The following NFS1 variants were observed in gnomAD, a reference collection of about 807,000 sequenced individuals.
The protein encoded by NFS1 is NFS1 cysteine desulfurase, also known as cysteine desulfurase.
Under a neutral mutation model 57.3 loss-of-function variants are expected in NFS1, and 26 were observed. That is an observed-to-expected ratio of 0.45 (90% CI 0.33 to 0.63). The LOEUF is 0.63. Among genes scored for constraint, NFS1 ranks in the 20% least tolerant of loss-of-function variants. NFS1 has a pLI of 0.02. For synonymous variants in NFS1, 209 were observed against 216.3 expected (o/e 0.97, Z 0.30); for missense variants, 505 against 605.8 (o/e 0.83, Z 1.75).
chr20:35,692,980 TGACACAGCAAGA>T (rs979137236), intron 4 of NFS1, among the ~76,000 whole-genome samples: 1 of 150,018 alleles, frequency 6.7e-6, no homozygotes, highest in African/African-American at 2.5e-5. Context: ...CCAGCCTGGG[TGACACAGCAAGA>T]CTCCCCCTTG....
intron 3 of NFS1, among the ~76,000 whole-genome samples, chr20:35,697,139 AC>A: frequency 6.6e-6 from 1 of 151,654 alleles, no homozygotes; most frequent in Admixed American, 6.6e-5. Flanking sequence ...AAATAAAAAT[AC>A]AAAAATATTA....
rs116600599 is a variant in NFS1 at position 35,697,372 on chromosome 20, A to G, written c.324+312T>C. Among the ~76,000 whole-genome samples, 1,384 of 152,218 alleles carry G rather than the reference A, an allele frequency of 9.1e-3. 24 individuals carry two copies. Among genetic ancestry groups the G allele is most frequent in the African/African-American group, 0.032 (1,325 of 41,520 alleles). Reference sequence around the variant, plus strand: ...CTTCTTACTTACAGATGTTGTGGTAATAAACACTTTATCAGCATTGTCTTA... The same window carrying G: ...CTTCTTACTTACAGATGTTGTGGTAGTAAACACTTTATCAGCATTGTCTTA... On this transcript the variant is annotated intron_variant, in intron 3 of 12. Coordinates refer to ENST00000374092, the MANE Select transcript of NFS1 (RefSeq NM_021100.5).
intron 6 of NFS1, 104 bp downstream of exon 6, chr20:35,681,784 C>G: frequency 1.6e-6 from 1 of 639,754 alleles, no homozygotes. Flanking sequence ...TAGGCTTTCC[C>G]TTGATTTCCT....
chr20:35,677,828 G>T (rs1230596827), intron 7 of NFS1, among the ~76,000 whole-genome samples: 2 of 152,186 alleles, frequency 1.3e-5, no homozygotes, highest in Non-Finnish European at 2.9e-5. Context: ...CAGCACTTTG[G>T]GAGACTGAGG....
intron 7 of NFS1, among the ~76,000 whole-genome samples, chr20:35,676,758 G>GAAAAAAAAAAAAAAAA (rs746820595): frequency 7.7e-4 from 14 of 18,126 alleles, no homozygotes; most frequent in African/African-American, 1.0e-3. Context: ...GAGAAAATCA[G>GAAAAAAAAAAAAAAAA]AAAAAAAAAA....
chr20:35,687,580 T>G (rs1056319871), intron 5 of NFS1, among the ~76,000 whole-genome samples: 2 of 152,276 alleles, frequency 1.3e-5, no homozygotes, highest in South Asian at 4.1e-4. Flanking sequence ...AGGCTGGCAT[T>G]CGGGGCCACT....
At position 35,690,506 on chromosome 20, in the gene NFS1, G is replaced by A. The variant is rs1184742751; in HGVS notation, c.468C>T (p.His156=). The change falls in exon 5 of 13, where the codon CAC becomes CAT. Residue 156 remains histidine, a synonymous_variant. Coordinates refer to ENST00000374092, the MANE Select transcript of NFS1 (RefSeq NM_021100.5). Reference sequence around the variant, plus strand: ...AACGGCAGGAGTCCAAGACACATTTGTGTTCTGTCTGGGTGGTGATCAAGT... The same window carrying A: ...AACGGCAGGAGTCCAAGACACATTTATGTTCTGTCTGGGTGGTGATCAAGT... ...KKHLITTQTE[H]KCVLDSCRSL... is the part of the protein sequence containing the mutation. 3 of 1,614,072 alleles carry A rather than the reference G, an allele frequency of 1.9e-6. No homozygotes were observed. In the East Asian group the frequency reaches 6.7e-5, roughly 36 times the overall value.
At chr20:35,684,411 TAAATA>T (rs60162682) in intron 5 of NFS1, among the ~76,000 whole-genome samples, 20,687 of 124,106 alleles carry the variant, frequency 0.17, 2,558 homozygotes, top group East Asian at 0.53. Flanking sequence ...CCATCTCAAA[TAAATA>T]AAATAAAATA....
At chr20:35,678,342 G>A (rs1253197451) in intron 7 of NFS1, among the ~76,000 whole-genome samples, 3 of 151,460 alleles carry the variant, frequency 2.0e-5, no homozygotes, top group Middle Eastern at 6.3e-3. Context: ...GTGACAGAGC[G>A]AGACTCCGTC....
intron 12 of NFS1, among the ~76,000 whole-genome samples, chr20:35,670,385 A>G (rs529427201): frequency 6.3e-4 from 96 of 152,260 alleles, no homozygotes; most frequent in Admixed American, 1.1e-3. Flanking sequence ...AAGCTTGGAT[A>G]TCTTGGATAA....
intron 5 of NFS1, among the ~76,000 whole-genome samples, chr20:35,683,458 G>C (rs111923076): frequency 0.031 from 4,610 of 150,292 alleles, 105 homozygotes; most frequent in Middle Eastern, 0.064. Flanking sequence ...CTCCAGCCTG[G>C]GCAACAGAGT....
chr20:35,697,643 CCT>C, intron 3 of NFS1, 39 bp downstream of exon 3: 1 of 1,366,122 alleles, frequency 7.3e-7, no homozygotes, highest in Non-Finnish European at 1.0e-6. Flanking sequence ...GGCCACTGCC[CCT>C]CTTTGACCTT....
rs546186233 is a variant in NFS1 at position 35,671,843 on chromosome 20, T to C, written c.1310+912A>G. Among the ~76,000 whole-genome samples, 7 of 145,824 alleles carry C rather than the reference T, an allele frequency of 4.8e-5. No individual in the cohort carries two copies. In the South Asian group the frequency reaches 1.1e-3, roughly 23 times the overall value. On this transcript the variant is annotated intron_variant, in intron 12 of 12. Transcript: ENST00000374092. ...AGGCACAAGTTGCAGTGAGGTGTGATTGTGCCACTGCACTCCAGCCTGAAT... is the reference window on the plus strand; with the variant it reads ...AGGCACAAGTTGCAGTGAGGTGTGACTGTGCCACTGCACTCCAGCCTGAAT...
chr20:35,685,932 CTTTA>C (rs1316019806), intron 5 of NFS1, among the ~76,000 whole-genome samples: 1 of 144,896 alleles, frequency 6.9e-6, no homozygotes, highest in East Asian at 2.1e-4. Flanking sequence ...TGAATTCTTT[CTTTA>C]TTTTTTTTTT....
intron 6 of NFS1, among the ~76,000 whole-genome samples, chr20:35,681,240 A>C (rs1293854217): frequency 6.6e-6 from 1 of 152,216 alleles, no homozygotes; most frequent in Non-Finnish European, 1.5e-5. Context: ...AATAAAAAAA[A>C]AAAAACAAGA....
At chr20:35,683,327 C>A (rs943724703) in intron 5 of NFS1, among the ~76,000 whole-genome samples, 4 of 150,872 alleles carry the variant, frequency 2.7e-5, no homozygotes, top group African/African-American at 9.8e-5. Flanking sequence ...ACTAAAAATA[C>A]AAAAATTAGC....
intron 4 of NFS1, among the ~76,000 whole-genome samples, chr20:35,692,074 T>C (rs764407728): frequency 1.3e-5 from 2 of 151,796 alleles, no homozygotes; most frequent in Non-Finnish European, 2.9e-5. Context: ...TAATCCCAGA[T>C]ACTCTGGAGG....
intron 5 of NFS1, among the ~76,000 whole-genome samples, chr20:35,685,755 G>A (rs1275482693): frequency 7.0e-6 from 1 of 143,778 alleles, no homozygotes; most frequent in Non-Finnish European, 1.5e-5. Flanking sequence ...CTACTGAGGA[G>A]GCTAAGTCAG....
chr20:35,697,598 C>T, intron 3 of NFS1, 86 bp downstream of exon 3: 2 of 822,308 alleles, frequency 2.4e-6, no homozygotes, highest in South Asian at 1.9e-5. Flanking sequence ...TTTCTACCTC[C>T]ATGCACACCT....
Sources: gnomAD v4.1 joint callset for allele counts (sites outside exome capture counted in the v4.1 genomes callset) on GRCh38, gnomAD v4.1.1 for gene constraint, MANE v1.5 for transcripts, NCBI Gene and HGNC (gene_info 2026-07-23, HGNC 2026-07-21) for gene names.